Variants in GNG7 observed in about 807,000 individuals in gnomAD.
GNG7 encodes guanine nucleotide-binding protein G(I)/G(S)/G(O) subunit gamma-7.
Under a neutral mutation model 4.0 loss-of-function variants are expected in GNG7, and 1 was observed. That is an observed-to-expected ratio of 0.25 (90% CI 0.09 to 1.18). The LOEUF is 1.18. Ranked by LOEUF, GNG7 falls within the 50% of genes most tolerant of loss-of-function variation. The pLI is 0.50. For synonymous variants in GNG7, 34 were observed against 36.9 expected (o/e 0.92, Z 0.29); for missense variants, 86 against 91.9 (o/e 0.94, Z 0.26).
intron 1 of GNG7, chr19:2,683,642 A>C (rs969724616): frequency 6.6e-6 from 1 of 152,438 alleles, no homozygotes; most frequent in African/African-American, 2.4e-5. Context: ...GACATCAGAC[A>C]GGGAGAAGAA....
chr19:2,515,721 C>T (rs1208423698), intron 4 of GNG7, among the ~76,000 whole-genome samples: 7 of 151,796 alleles, frequency 4.6e-5, no homozygotes, highest in Admixed American at 2.6e-4. Context: ...CCACTGCGCC[C>T]GGCCGTGTGA....
chr19:2,600,730 C>A (rs1439479772), intron 2 of GNG7, among the ~76,000 whole-genome samples: 1 of 151,888 alleles, frequency 6.6e-6, no homozygotes, highest in African/African-American at 2.4e-5. Flanking sequence ...CCCACCTTGA[C>A]CTCTCAAAGC....
chr19:2,520,740 G>A lies in GNG7; in HGVS notation c.-37-15C>T. The A allele has an allele frequency of 8.9e-7, 1 of 1,127,404 alleles. No individual in the cohort carries two copies. Among genetic ancestry groups the A allele is most frequent in the Non-Finnish European group, 1.3e-6 (1 of 762,696 alleles). 69.8% of individuals were successfully genotyped at this position (1,127,404 alleles called of 1,614,324 possible). ...TGTTCAGAGAGCTGTGGGGGAAGCA[G>A]AGGGGTGTGGGTCAAAGTTCAGGTC... On this transcript the variant is annotated splice_polypyrimidine_tract_variant and intron_variant, in intron 3 of 4. Coordinates refer to ENST00000382159, the MANE Select transcript of GNG7 (RefSeq NM_052847.3).
intron 3 of GNG7, among the ~76,000 whole-genome samples, chr19:2,525,148 G>A (rs1384443704): frequency 6.6e-6 from 1 of 152,184 alleles, no homozygotes; most frequent in Non-Finnish European, 1.5e-5. Flanking sequence ...AGAGGCGCAC[G>A]GGTGCCGGGC....
At chr19:2,608,292 C>A (rs16991259) in intron 2 of GNG7, among the ~76,000 whole-genome samples, 5 of 151,018 alleles carry the variant, frequency 3.3e-5, no homozygotes, top group Admixed American at 1.3e-4. Flanking sequence ...GGAGAGGTTC[C>A]GCCCACGTGG....
intron 1 of GNG7, among the ~76,000 whole-genome samples, chr19:2,650,183 CT>C (rs529803793): frequency 0.026 from 3,272 of 125,898 alleles, 47 homozygotes; most frequent in Middle Eastern, 0.041. Flanking sequence ...TCATAGGAAT[CT>C]TTTTTTTTTT....
chr19:2,595,286 T>A (rs77814750), intron 2 of GNG7: 1 of 150,352 alleles, frequency 6.7e-6, no homozygotes, highest in Non-Finnish European at 1.5e-5. Flanking sequence ...CGCCACCACG[T>A]CCGGCTAATT....
rs139766359 is a variant in GNG7 at position 2,554,369 on chromosome 19, G to C, written c.-38+780C>G. Among the ~76,000 whole-genome samples the C allele has an allele frequency of 2.3e-3, 345 of 147,860 alleles. 1 individual carries two copies. Among genetic ancestry groups the C allele is most frequent in the African/African-American group, 8.0e-3 (326 of 40,504 alleles). On this transcript the variant is annotated intron_variant, in intron 3 of 4. Transcript: ENST00000382159. ...ACTGGGTATATTTTTTAAGAGACCG[G>C]GTCTCACTCTGTCACCTAGGCTGGA... is the stretch of plus-strand genomic sequence containing the variant.
chr19:2,575,083 TTC>T (rs1980266003), intron 2 of GNG7, among the ~76,000 whole-genome samples: 1 of 127,414 alleles, frequency 7.8e-6, no homozygotes, highest in African/African-American at 4.2e-5. Context: ...CTTTTTTTCT[TTC>T]TTTCTTTTTT....
chr19:2,677,252 C>A (rs1178938482), intron 1 of GNG7, among the ~76,000 whole-genome samples: 1 of 85,848 alleles, frequency 1.2e-5, no homozygotes, highest in Non-Finnish European at 2.4e-5. Context: ...CAGAGAATTC[C>A]ATTTTTTTTT....
chr19:2,652,080 T>A (rs760236964), intron 1 of GNG7, among the ~76,000 whole-genome samples: 2 of 151,220 alleles, frequency 1.3e-5, no homozygotes, highest in Non-Finnish European at 3.0e-5. Context: ...GAGGCTGAGA[T>A]GGGAGAATCG....
At chr19:2,547,075 C>T (rs1484387096) in intron 3 of GNG7, among the ~76,000 whole-genome samples, 1 of 127,258 alleles carries the variant, frequency 7.9e-6, no homozygotes, top group African/African-American at 3.7e-5. Flanking sequence ...TCCACGCATG[C>T]CCCCCCCCCA....
chr19:2,565,176 C>T (rs1305801105), intron 2 of GNG7, among the ~76,000 whole-genome samples: 1 of 152,110 alleles, frequency 6.6e-6, no homozygotes, highest in Admixed American at 6.6e-5. Context: ...ACGGAAAACA[C>T]ACGTGCAACC....
At chr19:2,604,638 T>TAAA (rs1981321742) in intron 2 of GNG7, among the ~76,000 whole-genome samples, 1 of 7,602 alleles carries the variant, frequency 1.3e-4, no homozygotes, top group Non-Finnish European at 2.0e-4. Flanking sequence ...AGACCCTCCT[T>TAAA]CAAAAAAAAA....
intron 2 of GNG7, among the ~76,000 whole-genome samples, chr19:2,568,610 CAT>C (rs1236259208): frequency 1.3e-4 from 19 of 149,210 alleles, no homozygotes; most frequent in Non-Finnish European, 1.5e-4. Context: ...GACATACACA[CAT>C]ATATACACAT....
At chr19:2,612,027 A>G (rs1430087264) in intron 2 of GNG7, among the ~76,000 whole-genome samples, 2 of 151,888 alleles carry the variant, frequency 1.3e-5, no homozygotes, top group African/African-American at 4.8e-5. Context: ...GGCACCCGCC[A>G]CCACGCCCAG....
At chr19:2,594,560 C>T (rs1454296840) in intron 2 of GNG7, among the ~76,000 whole-genome samples, 7 of 152,120 alleles carry the variant, frequency 4.6e-5, no homozygotes, top group South Asian at 2.1e-4. Flanking sequence ...CCTCCTGCAA[C>T]GGGAATTAAC....
At position 2,622,518 on chromosome 19, in the gene GNG7, C is replaced by T. The variant is rs551105606; in HGVS notation, c.-78+23706G>A. Reference sequence around the variant, plus strand: ...CACCAGCTGCTTCCGGGAAGGGGAACCCAATGCGAGCAACGCGGCAGAGAG... The same window carrying T: ...CACCAGCTGCTTCCGGGAAGGGGAATCCAATGCGAGCAACGCGGCAGAGAG... On this transcript the variant is annotated intron_variant, in intron 2 of 4. Transcript: ENST00000382159. 5.9e-5 allele frequency among the ~76,000 whole-genome samples: 9 copies of T among 152,300 alleles called. No individual in the cohort carries two copies. The East Asian group carries it at 1.4e-3, about 23-fold the overall frequency.
intron 2 of GNG7, among the ~76,000 whole-genome samples, chr19:2,587,553 C>T (rs555598483): frequency 1.3e-5 from 2 of 152,214 alleles, no homozygotes; most frequent in African/African-American, 4.8e-5. Flanking sequence ...GCTCGGGGGT[C>T]GGTACGCAGG....
Sources: allele counts gnomAD v4.1 joint callset (sites outside exome capture counted in the v4.1 genomes callset), GRCh38; gene constraint gnomAD v4.1.1; transcripts MANE v1.5; gene names NCBI Gene and HGNC (gene_info 2026-07-23, HGNC 2026-07-21).